CD1B: variants seen among roughly 807,000 people sequenced by gnomAD.
CD1B encodes the protein T-cell surface glycoprotein CD1b.
In CD1B, 43 loss-of-function variants were observed where a neutral mutation model predicts 39.8. The ratio of observed to expected loss-of-function variants is 1.08; its 90% CI spans 0.85 to 1.39. CD1B has a LOEUF of 1.39. Ranked by LOEUF, CD1B falls within the 40% of genes most tolerant of loss-of-function variation. CD1B has a pLI of 0.00. For synonymous variants in CD1B, 192 were observed against 152.5 expected, an observed-to-expected ratio of 1.26 and a Z score of -1.91; for missense variants, 495 against 403.8, an observed-to-expected ratio of 1.23 and a Z score of -1.94.
chr1:158,290,888 C>T, the CD1B span, among the ~76,000 whole-genome samples: 1 of 152,144 alleles, frequency 6.6e-6, no homozygotes, highest in African/African-American at 2.4e-5. Context: ...GCATGATGGG[C>T]TTTCCCAAGA....
the CD1B span, among the ~76,000 whole-genome samples, chr1:158,309,916 G>A: frequency 6.6e-6 from 1 of 151,710 alleles, no homozygotes; most frequent in Non-Finnish European, 1.5e-5. Flanking sequence ...CAACAACATG[G>A]CACATGTATA....
the CD1B span, among the ~76,000 whole-genome samples, chr1:158,301,721 T>C: frequency 6.6e-6 from 1 of 152,170 alleles, no homozygotes; most frequent in Non-Finnish European, 1.5e-5. Flanking sequence ...CCTTAACGTT[T>C]TTCCTTCATT....
the CD1B span, among the ~76,000 whole-genome samples, chr1:158,289,547 G>T: frequency 1.3e-5 from 2 of 152,092 alleles, no homozygotes; most frequent in Non-Finnish European, 2.9e-5. Context: ...AGGTGAAATT[G>T]GAAAGAGAAA....
At position 158,329,552 on chromosome 1, in the gene CD1B, C is replaced by A. The variant is rs758384120; in HGVS notation, c.704G>T (p.Trp235Leu). Residue 235 changes from tryptophan (W) to leucine (L), a missense_variant, in exon 4 of 6, where the codon TGG becomes TTG. By Grantham distance (61) the Trp-to-Leu change is moderately conservative. Transcript: ENST00000368168. ...CTGCTCACCCCGCATCCACATCACC[C>A]ACACGGGCTTTGGGTAGAATCCTGA... ...HVSGFYPKPVWVMWMRGEQEQ... is the reference protein window; with the variant it reads ...HVSGFYPKPVLVMWMRGEQEQ... 4.3e-6 allele frequency: 7 copies of A among 1,614,170 alleles called. No homozygotes were observed. Among genetic ancestry groups the A allele is most frequent in the Non-Finnish European group, 5.9e-6 (7 of 1,180,038 alleles).
chr1:158,303,276 C>T, the CD1B span, among the ~76,000 whole-genome samples: 1,876 of 152,238 alleles, frequency 0.012, 38 homozygotes, highest in African/African-American at 0.04. Context: ...TAAAGGAACA[C>T]ACCTCAAAAC....
the CD1B span, among the ~76,000 whole-genome samples, chr1:158,290,791 G>A: frequency 1.3e-5 from 2 of 152,292 alleles, no homozygotes; most frequent in Admixed American, 1.3e-4. Context: ...TGTAGTTTCC[G>A]CTGCTAGTTC....
rs371461731 is a variant in CD1B, at chr1:158,328,948, C to T, written c.953G>A (p.Cys318Tyr). Residue 318 changes from cysteine (C) to tyrosine (Y), a missense_variant, in exon 5 of 6, where the codon TGC becomes TAC. Transcript: ENST00000368168. ...IIVPSLLLLLCLALWYMRRRS... is the reference protein window; with the variant it reads ...IIVPSLLLLLYLALWYMRRRS... ...GCGCCTCATATACCATAATGCAAGG[C>T]ATAGCAAAAGGAGCAAGGAAGGCAC... The T allele has an allele frequency of 3.1e-6, 5 of 1,613,148 alleles. No individual in the cohort carries two copies. The highest frequency in any genetic ancestry group is 4.2e-6 in the Non-Finnish European group (5 of 1,179,722).
downstream of CD1B, among the ~76,000 whole-genome samples, chr1:158,325,013 G>C (rs1382370594): frequency 6.6e-6 from 1 of 151,960 alleles, no homozygotes; most frequent in Non-Finnish European, 1.5e-5. Flanking sequence ...ATCACTTGTG[G>C]AGAATGCCAT....
At chr1:158,294,000 T>C in the CD1B span, among the ~76,000 whole-genome samples, 1 of 152,228 alleles carries the variant, frequency 6.6e-6, no homozygotes, top group East Asian at 1.9e-4. Context: ...GTTTAAATGC[T>C]TCATACCTAG....
the CD1B span, among the ~76,000 whole-genome samples, chr1:158,287,393 A>G: frequency 1.3e-5 from 2 of 152,152 alleles, no homozygotes. Flanking sequence ...CACTAAGCCT[A>G]TTGGATCAGG....
chr1:158,290,172 G>T, the CD1B span: 1 of 1,559,306 alleles, frequency 6.4e-7, no homozygotes, highest in East Asian at 2.2e-5. Flanking sequence ...TCTGGGTAGA[G>T]TGTGCTGGGC....
the CD1B span, among the ~76,000 whole-genome samples, chr1:158,288,314 G>T: frequency 2.0e-5 from 3 of 152,330 alleles, no homozygotes; most frequent in East Asian, 3.9e-4. Flanking sequence ...CTAAGAAATA[G>T]TGTATATATC....
the CD1B span, among the ~76,000 whole-genome samples, chr1:158,300,760 CTTTT>C: frequency 7.4e-6 from 1 of 134,644 alleles, no homozygotes. Context: ...CTCTCTCTCT[CTTTT>C]TTTTTTTTTT....
the CD1B span, among the ~76,000 whole-genome samples, chr1:158,286,477 A>T: frequency 6.6e-6 from 1 of 152,174 alleles, no homozygotes; most frequent in East Asian, 1.9e-4. Flanking sequence ...GTTATTTTTC[A>T]TGAAAGCAAT....
chr1:158,298,060 G>T, the CD1B span, among the ~76,000 whole-genome samples: 1 of 151,966 alleles, frequency 6.6e-6, no homozygotes, highest in Admixed American at 6.6e-5. Flanking sequence ...AATCTGTCAA[G>T]CATACAGGAA....
At chr1:158,314,969 C>T in the CD1B span, among the ~76,000 whole-genome samples, 2 of 148,044 alleles carry the variant, frequency 1.4e-5, no homozygotes, top group African/African-American at 2.6e-5. Context: ...ATCCATGTCC[C>T]TACAAAGGAC....
the CD1B span, among the ~76,000 whole-genome samples, chr1:158,313,415 A>G: frequency 5.9e-5 from 9 of 152,090 alleles, no homozygotes; most frequent in Non-Finnish European, 1.0e-4. Context: ...GGCTTGGGTG[A>G]TCCTCCAACC....
the CD1B span, among the ~76,000 whole-genome samples, chr1:158,322,028 A>G: frequency 2.6e-5 from 4 of 152,226 alleles, no homozygotes; most frequent in African/African-American, 2.4e-5. Flanking sequence ...AAGAAAGGAA[A>G]CAAAAATATT....
the CD1B span, among the ~76,000 whole-genome samples, chr1:158,317,019 T>C: frequency 6.6e-6 from 1 of 151,624 alleles, no homozygotes. Flanking sequence ...CACTTGATCA[T>C]GGTGGATAAG....
Sources: gnomAD v4.1 joint callset for allele counts (sites outside exome capture counted in the v4.1 genomes callset) on GRCh38, gnomAD v4.1.1 for gene constraint, MANE v1.5 for transcripts, NCBI Gene and HGNC (gene_info 2026-07-23, HGNC 2026-07-21) for gene names.